The following ADGRV1 variants were observed in gnomAD, a reference collection of about 807,000 sequenced individuals.
ADGRV1 encodes G-protein coupled receptor 98.
A neutral mutation model predicts 596.2 loss-of-function variants in ADGRV1; 359 were observed. The ratio of observed to expected loss-of-function variants is 0.60; its 90% CI spans 0.55 to 0.66. The LOEUF (loss-of-function observed/expected upper bound fraction) is 0.66. Among genes scored for constraint, ADGRV1 ranks in the 30% least tolerant of loss-of-function variants. The pLI is 0.00. For synonymous variants in ADGRV1, 2,681 were observed against 2,679.2 expected (o/e 1.00, Z -0.02); for missense variants, 7,274 against 7,575.6 (o/e 0.96, Z 1.48).
At chr5:90,874,583 C>A (rs542377618) in intron 83 of ADGRV1, among the ~76,000 whole-genome samples, 1 of 151,796 alleles carries the variant, frequency 6.6e-6, no homozygotes, top group Non-Finnish European at 1.5e-5. Context: ...TGGTTAAGGC[C>A]GCGTGCGGTG....
intron 86 of ADGRV1, among the ~76,000 whole-genome samples, chr5:91,092,063 G>A (rs377170330): frequency 1.3e-5 from 2 of 152,134 alleles, no homozygotes; most frequent in Non-Finnish European, 1.5e-5. Flanking sequence ...AAGAAACTGA[G>A]TTAGAAAAGA....
At chr5:90,637,597 C>T (rs918064063) in intron 10 of ADGRV1, 128 bp from the exon 11 acceptor site, 13 of 491,896 alleles carry the variant, frequency 2.6e-5, no homozygotes, top group African/African-American at 3.9e-5. Context: ...TTTAATAGTT[C>T]GCTTCTCTAT....
intron 86 of ADGRV1, among the ~76,000 whole-genome samples, chr5:91,089,715 A>G (rs1790217349): frequency 6.6e-6 from 1 of 152,208 alleles, no homozygotes; most frequent in African/African-American, 2.4e-5. Flanking sequence ...GTGCTAACTG[A>G]TGTCTTATCA....
chr5:90,574,665 A>G (rs922029369), intron 1 of ADGRV1, among the ~76,000 whole-genome samples: 1 of 152,136 alleles, frequency 6.6e-6, no homozygotes, highest in Non-Finnish European at 1.5e-5. Flanking sequence ...AGTGGGATTG[A>G]TATCAGTTCC....
At chr5:90,800,516 C>T (rs577188815) in intron 70 of ADGRV1, among the ~76,000 whole-genome samples, 46 of 152,252 alleles carry the variant, frequency 3.0e-4, no homozygotes, top group African/African-American at 8.7e-4. Context: ...GACAGTGTGA[C>T]GATTCCTCAA....
chr5:91,068,418 G>A (rs865840104), intron 85 of ADGRV1, among the ~76,000 whole-genome samples: 9 of 151,478 alleles, frequency 5.9e-5, no homozygotes, highest in African/African-American at 9.7e-5. Flanking sequence ...GCAGTGAGCC[G>A]AGATCGCACC....
intron 66 of ADGRV1, 44 bp downstream of exon 66, chr5:90,783,369 A>T (rs917539288): frequency 3.9e-6 from 5 of 1,285,392 alleles, no homozygotes; most frequent in Non-Finnish European, 5.5e-6. Flanking sequence ...AGACATAAGT[A>T]TTGTGTTCAA....
Position 90,965,643 on chromosome 5 carries a change from C to G in ADGRV1, c.17973+112C>G, listed in dbSNP as rs148543167. 1.5e-3 allele frequency: 841 copies of G among 572,232 alleles called. 4 individuals are homozygous for G. The highest frequency in any genetic ancestry group is 0.014 in the African/African-American group (760 of 53,882). 35.4% of individuals were successfully genotyped at this position (572,232 alleles called of 1,614,324 possible). ...AGTAGAAGTAATTCCGTATATCCATCACTGCATTCTCAGGATATAAATGAC... is the reference window on the plus strand; with the variant it reads ...AGTAGAAGTAATTCCGTATATCCATGACTGCATTCTCAGGATATAAATGAC... On this transcript the variant is annotated intron_variant, in intron 84 of 89. Coordinates refer to ENST00000405460, the MANE Select transcript of ADGRV1 (RefSeq NM_032119.4).
intron 83 of ADGRV1, among the ~76,000 whole-genome samples, chr5:90,908,707 A>AAG (rs1483237295): frequency 1.3e-5 from 2 of 152,202 alleles, no homozygotes; most frequent in Non-Finnish European, 2.9e-5. Context: ...TGCCTGAGTG[A>AAG]AGAGTGATAT....
rs771355132 is a variant in ADGRV1 at position 90,651,605 on chromosome 5, T to C, written c.3291T>C (p.Gly1097=). 1.3e-6 allele frequency: 2 copies of C among 1,534,592 alleles called. No homozygotes were observed. The highest frequency in any genetic ancestry group is 1.8e-6 in the Non-Finnish European group (2 of 1,125,592). The change falls in exon 18 of 90, where the codon GGT becomes GGC. Residue 1097 remains glycine (G), a splice_region_variant and synonymous_variant. Transcript: ENST00000405460. ...TTGTCTTTTCCACTTTTAATTTAGG[T>C]GATACAGTAGTATATCAATATGGAG... ...PFYIILLNST[G]DTVVYQYGVA... is the part of the protein sequence containing the mutation.
At chr5:90,730,090 T>C (rs1752357472) in intron 50 of ADGRV1, among the ~76,000 whole-genome samples, 1 of 152,128 alleles carries the variant, frequency 6.6e-6, no homozygotes, top group Non-Finnish European at 1.5e-5. Flanking sequence ...ATGGTCTTGA[T>C]CTCCTGACCT....
At chr5:90,760,382 C>T (rs1756391553) in intron 58 of ADGRV1, among the ~76,000 whole-genome samples, 2 of 152,074 alleles carry the variant, frequency 1.3e-5, no homozygotes, top group Admixed American at 6.5e-5. Context: ...AATCCTCCAG[C>T]CTGTGCACAC....
chr5:90,973,898 G>C (rs1779301633), intron 84 of ADGRV1, among the ~76,000 whole-genome samples: 1 of 152,176 alleles, frequency 6.6e-6, no homozygotes, highest in South Asian at 2.1e-4. Flanking sequence ...ATTAGGAAAA[G>C]AGGAAGTCAA....
At chr5:90,641,421 T>G (rs1766955043) in intron 11 of ADGRV1, among the ~76,000 whole-genome samples, 1 of 152,236 alleles carries the variant, frequency 6.6e-6, no homozygotes, top group South Asian at 2.1e-4. Flanking sequence ...TGTTTAATGT[T>G]CAGAATGGAT....
intron 83 of ADGRV1, among the ~76,000 whole-genome samples, chr5:90,922,841 A>G (rs1335436580): frequency 1.3e-5 from 2 of 152,200 alleles, no homozygotes; most frequent in East Asian, 3.8e-4. Flanking sequence ...AGCATTCATC[A>G]TATTAATGAC....
intron 85 of ADGRV1, among the ~76,000 whole-genome samples, chr5:91,061,924 T>C (rs1787470764): frequency 6.6e-6 from 1 of 152,212 alleles, no homozygotes; most frequent in South Asian, 2.1e-4. Flanking sequence ...ATGTTTTAAC[T>C]ATGGTCATTG....
chr5:91,069,713 G>A (rs1374609600), intron 85 of ADGRV1, among the ~76,000 whole-genome samples: 5 of 152,148 alleles, frequency 3.3e-5, no homozygotes, highest in African/African-American at 7.2e-5. Flanking sequence ...ATTTCTCAGC[G>A]AACTTAGAAC....
chr5:90,658,310 A>C, intron 21 of ADGRV1, 32 bp downstream of exon 21: 1 of 1,468,786 alleles, frequency 6.8e-7, no homozygotes, highest in Non-Finnish European at 9.0e-7. Flanking sequence ...TTTTGGATTT[A>C]AAAATTCATT....
At chr5:90,593,256 G>A (rs971266332) in intron 1 of ADGRV1, among the ~76,000 whole-genome samples, 18 of 152,064 alleles carry the variant, frequency 1.2e-4, no homozygotes, top group African/African-American at 3.6e-4. Context: ...ATACGCCATG[G>A]AATATTATGC....
Sources: allele counts gnomAD v4.1 joint callset (sites outside exome capture counted in the v4.1 genomes callset), GRCh38; gene constraint gnomAD v4.1.1; transcripts MANE v1.5; gene names NCBI Gene and HGNC (gene_info 2026-07-23, HGNC 2026-07-21).